CR1L: variants seen among roughly 807,000 people sequenced by gnomAD.
CR1L encodes the protein complement component receptor 1-like protein.
A neutral mutation model predicts 62.3 loss-of-function variants in CR1L; 59 were observed. The observed-to-expected ratio is 0.95, with a 90% CI of 0.77 to 1.18. CR1L has a LOEUF of 1.18. Among genes scored for constraint, CR1L ranks in the 50% most tolerant of loss-of-function variants. The probability of loss-of-function intolerance (pLI) is 0.00; values close to 1 mark genes in which losing one functional copy is unlikely to be tolerated. For synonymous variants in CR1L, 279 were observed against 248.7 expected (o/e 1.12, Z -1.15); for missense variants, 700 against 702.8 (o/e 1.00, Z 0.04).
At chr1:207,719,321 T>C (rs1654079685) in intron 11 of CR1L, among the ~76,000 whole-genome samples, 2 of 138,952 alleles carry the variant, frequency 1.4e-5, no homozygotes, top group Non-Finnish European at 3.2e-5. Context: ...AGATGAGAAA[T>C]ATATGGGAAA....
In CR1L at chr1:207,677,403, C is replaced by A; in HGVS notation, c.112C>A (p.Pro38Thr). The A allele has an allele frequency of 6.2e-7, 1 of 1,611,194 alleles. No homozygotes were observed. Among genetic ancestry groups the A allele is most frequent in the Non-Finnish European group, 8.5e-7 (1 of 1,178,586 alleles). Residue 38 changes from proline (P) to threonine (T), a missense_variant, in exon 2 of 12, where the codon CCG (proline) becomes ACG (threonine). Transcript: ENST00000508064. ...LSSFSDQCNV[P>T]EWLPFARPTN... ...TTGATCCCCAGATCAATGCAATGTCCCGGAATGGCTTCCATTTGCCAGGCC... is the reference window on the plus strand; with the variant it reads ...TTGATCCCCAGATCAATGCAATGTCACGGAATGGCTTCCATTTGCCAGGCC...
Position 207,723,677 on chromosome 1 carries a change from C to G in CR1L, c.1702C>G (p.His568Asp), listed in dbSNP as rs1218133989. The G allele has an allele frequency of 1.3e-6, 2 of 1,579,128 alleles. No individual in the cohort carries two copies. The highest frequency in any genetic ancestry group is 1.7e-6 in the Non-Finnish European group (2 of 1,156,484). ...FYEVFAEEFC[H>D]L Reference sequence around the variant, plus strand: ...TGAAGTGTTTGCTGAGGAATTCTGTCATCTTTAACAGTAAGTACCTACTTA... The same window carrying G: ...TGAAGTGTTTGCTGAGGAATTCTGTGATCTTTAACAGTAAGTACCTACTTA... The change falls in exon 12 of 12, where the codon CAT (histidine) becomes GAT (aspartate). Residue 568 changes from histidine (H) to aspartate (D), a missense_variant. Coordinates refer to ENST00000508064, the MANE Select transcript of CR1L (RefSeq NM_175710.2).
chr1:207,657,329 T>G, intron 1 of CR1L: 1 of 958,944 alleles, frequency 1.0e-6, no homozygotes, highest in East Asian at 2.4e-5. Context: ...AAGTCACCTT[T>G]CAATTTATTT....
intron 1 of CR1L, chr1:207,669,229 A>C: frequency 2.5e-6 from 1 of 398,442 alleles, no homozygotes; most frequent in Non-Finnish European, 4.6e-6. Context: ...GGGCTCTGCC[A>C]GCGAAACTCG....
intron 1 of CR1L, among the ~76,000 whole-genome samples, chr1:207,650,826 C>T (rs894495695): frequency 1.8e-4 from 28 of 151,448 alleles, no homozygotes; most frequent in African/African-American, 6.6e-4. Context: ...CGCTCTGCTG[C>T]CCAGGCTGGA....
chr1:207,710,774 C>T (rs1664343895), intron 10 of CR1L: 1 of 1,602,450 alleles, frequency 6.2e-7, no homozygotes, highest in African/African-American at 1.3e-5. Context: ...AGCTACCAAG[C>T]TGCTCCAGGG....
Position 207,683,014 on chromosome 1 carries a change from C to CTTTTTTTCTTTCTTTCTT in CR1L, c.378-855_378-854insTTTTCTTTCTTTCTTTTT, listed in dbSNP as rs752505040. Among the ~76,000 whole-genome samples the CTTTTTTTCTTTCTTTCTT allele has an allele frequency of 4.9e-5, 3 of 60,674 alleles. No individual in the cohort carries two copies. In the East Asian group the frequency reaches 1.1e-3, roughly 21 times the overall value. 39.8% of individuals were successfully genotyped at this position (60,674 alleles called of 152,430 possible). A position where few individuals can be genotyped will look rare whatever the true frequency, so the allele number is the denominator to read the frequency against. ...TTTTTTTCTTTCTTTCTTTCTTTTT[C>CTTTTTTTCTTTCTTTCTT]TTTCTTTCTTTCCTTCCTTCCTTCC... On this transcript the variant is annotated intron_variant, in intron 3 of 11. Coordinates refer to ENST00000508064, the MANE Select transcript of CR1L (RefSeq NM_175710.2).
intron 9 of CR1L, among the ~76,000 whole-genome samples, chr1:207,702,749 A>G (rs150355019): frequency 4.5e-4 from 69 of 152,326 alleles, no homozygotes; most frequent in African/African-American, 1.6e-3. Flanking sequence ...ACTCTCTTCA[A>G]TTCTGTGAAG....
At chr1:207,680,643 A>G (rs1429698115) in intron 3 of CR1L, among the ~76,000 whole-genome samples, 1 of 152,230 alleles carries the variant, frequency 6.6e-6, no homozygotes, top group East Asian at 1.9e-4. Context: ...AAACAATTCA[A>G]ACTTATAGCT....
chr1:207,665,060 T>G (rs1663493998), intron 1 of CR1L, among the ~76,000 whole-genome samples: 1 of 152,216 alleles, frequency 6.6e-6, no homozygotes, highest in African/African-American at 2.4e-5. Flanking sequence ...AGCATTTTTT[T>G]GGTTTTTTTT....
rs771647075 is a variant in CR1L, at chr1:207,675,517, A to G, written c.98-1872A>G. ...AAAATGTGTGTCTTCAGGAAACTGA[A>G]AAAGGGGAAAGGGCCACCACACCTT... On this transcript the variant is annotated intron_variant, in intron 1 of 11. Transcript: ENST00000508064. Among the ~76,000 whole-genome samples, 14 of 152,224 alleles carry G rather than the reference A, an allele frequency of 9.2e-5. 1 individual carries two copies. Among genetic ancestry groups the G allele is most frequent in the Non-Finnish European group, 7.3e-5 (5 of 68,040 alleles).
At chr1:207,650,681 G>A (rs976204871) in intron 1 of CR1L, among the ~76,000 whole-genome samples, 1 of 152,150 alleles carries the variant, frequency 6.6e-6, no homozygotes, top group Non-Finnish European at 1.5e-5. Context: ...ATGAATTTCT[G>A]GTAATACTAA....
chr1:207,645,502 G>A (rs1295429174), intron 1 of CR1L, among the ~76,000 whole-genome samples, 172 bp downstream of exon 1: 1 of 152,194 alleles, frequency 6.6e-6, no homozygotes, highest in African/African-American at 2.4e-5. Flanking sequence ...TATGTGGCGG[G>A]GGATGCGGGA....
At chr1:207,682,196 C>T (rs1335232990) in intron 3 of CR1L, among the ~76,000 whole-genome samples, 4 of 151,942 alleles carry the variant, frequency 2.6e-5, no homozygotes, top group Non-Finnish European at 4.4e-5. Flanking sequence ...TGAGTCCAGG[C>T]GCAGTGGCTC....
intron 1 of CR1L, among the ~76,000 whole-genome samples, chr1:207,659,733 G>A (rs1663377340): frequency 6.6e-6 from 1 of 152,158 alleles, no homozygotes; most frequent in Non-Finnish European, 1.5e-5. Context: ...AAGGGTCAGG[G>A]GACTTCCCTT....
At chr1:207,685,483 T>C (rs1213281248) in intron 4 of CR1L, among the ~76,000 whole-genome samples, 1 of 152,248 alleles carries the variant, frequency 6.6e-6, no homozygotes, top group East Asian at 1.9e-4. Context: ...ACTTCGGTTT[T>C]AGAGACTCCA....
chr1:207,670,370 G>T lies in CR1L; in HGVS notation c.98-7019G>T, dbSNP rs1571510240. Among the ~76,000 whole-genome samples the T allele has an allele frequency of 2.0e-5, 3 of 151,316 alleles. No homozygotes were observed. In the South Asian group the frequency reaches 6.2e-4, roughly 31 times the overall value. On this transcript the variant is annotated intron_variant, in intron 1 of 11. Coordinates refer to ENST00000508064, the MANE Select transcript of CR1L (RefSeq NM_175710.2). The stretch of plus-strand genomic sequence containing the variant: ...ATATGTTTACAATTTGCATTTTAGT[G>T]ATGTGTTTAGTACAAAATAAAGCCT...
intron 11 of CR1L, among the ~76,000 whole-genome samples, chr1:207,720,382 T>C (rs1184037733): frequency 1.3e-5 from 2 of 152,212 alleles, no homozygotes; most frequent in Non-Finnish European, 2.9e-5. Flanking sequence ...GATAGATTGC[T>C]TAAGATACCA....
chr1:207,686,138 T>TCCCTC (rs1558018827), intron 4 of CR1L, among the ~76,000 whole-genome samples: 76 of 28,864 alleles, frequency 2.6e-3, no homozygotes, highest in Middle Eastern at 0.014. Flanking sequence ...CTCCCTCCCT[T>TCCCTC]CCTTCCTTCC....
Sources: gnomAD v4.1 joint callset for allele counts (sites outside exome capture counted in the v4.1 genomes callset) on GRCh38, gnomAD v4.1.1 for gene constraint, MANE v1.5 for transcripts, NCBI Gene and HGNC (gene_info 2026-07-23, HGNC 2026-07-21) for gene names.